Variants in USH2A observed in about 807,000 individuals in gnomAD.
The protein encoded by USH2A is Usher syndrome 2A (autosomal recessive, mild).
Under a neutral mutation model 538.9 loss-of-function variants are expected in USH2A, and 443 were observed. That is an observed-to-expected ratio of 0.82 (90% CI 0.76 to 0.89). The LOEUF (loss-of-function observed/expected upper bound fraction) is 0.89. Ranked by LOEUF, USH2A falls within the 40% of genes least tolerant of loss-of-function variation. The probability of loss-of-function intolerance (pLI) is 0.00; values close to 1 mark genes in which losing one functional copy is unlikely to be tolerated. For synonymous variants in USH2A, 2,413 were observed against 2,273.5 expected (o/e 1.06, Z -1.75); for missense variants, 6,633 against 6,324.8 (o/e 1.05, Z -1.65).
chr1:216,410,351 G>A lies in USH2A; in HGVS notation c.651+8163C>T, dbSNP rs547622678. Among the ~76,000 whole-genome samples, 20 of 152,050 alleles carry A rather than the reference G, an allele frequency of 1.3e-4. No individual in the cohort carries two copies. In the East Asian group the frequency reaches 3.3e-3, roughly 25 times the overall value. On this transcript the variant is annotated intron_variant, in intron 3 of 71. Transcript: ENST00000307340. Reference sequence around the variant, plus strand: ...TTATACCCAGCAATTCCATTCCTGCGTATATATCCAAAGGAATCTGAGTCA... The same window carrying A: ...TTATACCCAGCAATTCCATTCCTGCATATATATCCAAAGGAATCTGAGTCA...
chr1:216,172,723 A>G (rs1232854048), intron 21 of USH2A, among the ~76,000 whole-genome samples: 1 of 152,222 alleles, frequency 6.6e-6, no homozygotes, highest in African/African-American at 2.4e-5. Context: ...GGATACAAAT[A>G]AATGAATAAA....
At chr1:215,901,678 G>C (rs1172417087) in intron 38 of USH2A, among the ~76,000 whole-genome samples, 2 of 152,014 alleles carry the variant, frequency 1.3e-5, no homozygotes, top group Non-Finnish European at 2.9e-5. Flanking sequence ...TCTTTGAATG[G>C]TTCTAGAAGG....
Position 216,196,627 on chromosome 1 carries a change from T to A in USH2A, c.4177A>T (p.Lys1393Ter). 6.2e-7 allele frequency: 1 copy of A among 1,613,622 alleles called. No individual in the cohort carries two copies. Among genetic ancestry groups the A allele is most frequent in the East Asian group, 2.2e-5 (1 of 44,766 alleles). The change falls in exon 19 of 72, where the codon AAA becomes TAA. Residue 1393 changes from lysine (K) to a stop codon, truncating the protein, a stop_gained. Transcript: ENST00000307340. LOFTEE classifies it high-confidence loss of function. ...ATATTGATGTCATACCCCACAACTT[T>A]TCCTCTTGTAACATTATCTGCTGGC... ...EKPADNVTRG[K>*]VVGYDINMLS...
At chr1:215,799,262 G>T in intron 49 of USH2A, 137 bp from the exon 50 acceptor site, 2 of 1,108,768 alleles carry the variant, frequency 1.8e-6, no homozygotes, top group Non-Finnish European at 1.3e-6. Flanking sequence ...TCATATTGGA[G>T]TTGCAAAATT....
intron 64 of USH2A, among the ~76,000 whole-genome samples, chr1:215,651,342 A>G (rs971626973): frequency 1.3e-5 from 2 of 152,216 alleles, no homozygotes; most frequent in African/African-American, 2.4e-5. Context: ...TGAGTAAGTA[A>G]TTTGTAGAAT....
chr1:216,209,706 T>C (rs2035197715), intron 15 of USH2A, among the ~76,000 whole-genome samples: 2 of 152,356 alleles, frequency 1.3e-5, no homozygotes, highest in South Asian at 2.1e-4. Flanking sequence ...GCCTTTGCTA[T>C]TTCCTTGGTG....
intron 3 of USH2A, among the ~76,000 whole-genome samples, chr1:216,383,723 G>A (rs2038957336): frequency 6.6e-6 from 1 of 152,110 alleles, no homozygotes; most frequent in Non-Finnish European, 1.5e-5. Flanking sequence ...TGTTGCCTAG[G>A]CTGGAGTGCA....
At chr1:216,309,215 G>A (rs1186040889) in intron 9 of USH2A, among the ~76,000 whole-genome samples, 2 of 152,080 alleles carry the variant, frequency 1.3e-5, no homozygotes, top group African/African-American at 2.4e-5. Context: ...CATAAAACAA[G>A]CAACACTAAT....
intron 21 of USH2A, among the ~76,000 whole-genome samples, chr1:216,112,233 A>G (rs992359891): frequency 2.0e-5 from 3 of 152,178 alleles, no homozygotes; most frequent in Non-Finnish European, 4.4e-5. Flanking sequence ...TATTATTTAA[A>G]CATGTATTTT....
chr1:215,840,924 T>G (rs887112151), intron 46 of USH2A, among the ~76,000 whole-genome samples: 3 of 152,172 alleles, frequency 2.0e-5, no homozygotes, highest in African/African-American at 4.8e-5. Context: ...CCTGCATACA[T>G]GGACTCACCA....
intron 32 of USH2A, among the ~76,000 whole-genome samples, chr1:216,030,911 T>C (rs1251720864): frequency 6.6e-6 from 1 of 151,662 alleles, no homozygotes; most frequent in Non-Finnish European, 1.5e-5. Flanking sequence ...AGGATTTATA[T>C]AGACTCTCTA....
intron 61 of USH2A, among the ~76,000 whole-genome samples, chr1:215,699,450 G>C (rs1428623945): frequency 1.3e-5 from 2 of 152,160 alleles, no homozygotes; most frequent in Non-Finnish European, 2.9e-5. Flanking sequence ...CTATCCATGA[G>C]CATGGAATAT....
chr1:216,000,088 C>A (rs1668231154), intron 33 of USH2A, among the ~76,000 whole-genome samples: 1 of 152,098 alleles, frequency 6.6e-6, no homozygotes, highest in African/African-American at 2.4e-5. Flanking sequence ...GATATACATA[C>A]TTTCTAATTC....
At chr1:215,859,804 T>C (rs980953496) in intron 44 of USH2A, among the ~76,000 whole-genome samples, 11 of 152,174 alleles carry the variant, frequency 7.2e-5, no homozygotes, top group African/African-American at 2.7e-4. Context: ...AGCAAGTAGA[T>C]TGTGCTTCTT....
chr1:215,765,394 C>A (rs1661097627), intron 56 of USH2A, among the ~76,000 whole-genome samples: 1 of 152,062 alleles, frequency 6.6e-6, no homozygotes, highest in East Asian at 1.9e-4. Context: ...TTTTATTCCC[C>A]ATTTACTGGT....
intron 5 of USH2A, 138 bp from the exon 6 acceptor site, chr1:216,325,737 CAT>C (rs1212149140): frequency 2.4e-6 from 2 of 833,248 alleles, no homozygotes; most frequent in East Asian, 2.7e-5. Flanking sequence ...ATGCATGAAA[CAT>C]AAAATAAAAC....
chr1:216,210,145 A>G (rs772745505), intron 15 of USH2A, among the ~76,000 whole-genome samples: 4 of 151,980 alleles, frequency 2.6e-5, no homozygotes, highest in Non-Finnish European at 4.4e-5. Flanking sequence ...TCAGTCGATT[A>G]GTATGAAATC....
At chr1:215,673,848 G>T (rs1287229676) in intron 63 of USH2A, among the ~76,000 whole-genome samples, 1 of 152,116 alleles carries the variant, frequency 6.6e-6, no homozygotes, top group African/African-American at 2.4e-5. Flanking sequence ...CAGATACCAG[G>T]ATGCATTGCA....
chr1:216,008,420 A>G (rs1207823458), intron 32 of USH2A, among the ~76,000 whole-genome samples: 7 of 151,388 alleles, frequency 4.6e-5, no homozygotes, highest in Non-Finnish European at 1.0e-4. Context: ...CCCAAATCCT[A>G]TAAAACGGCC....
Sources: allele counts gnomAD v4.1 joint callset (sites outside exome capture counted in the v4.1 genomes callset), GRCh38; gene constraint gnomAD v4.1.1; transcripts MANE v1.5; gene names NCBI Gene and HGNC (gene_info 2026-07-23, HGNC 2026-07-21).